Variants in SOX5 observed in about 807,000 individuals in gnomAD.
SOX5 encodes SRY-box transcription factor 5.
In SOX5, 9 loss-of-function variants were observed where a neutral mutation model predicts 92.0. That is an observed-to-expected ratio of 0.10 (90% CI 0.06 to 0.17). The LOEUF is 0.17. Ranked by LOEUF, SOX5 falls within the 10% of genes least tolerant of loss-of-function variation. The pLI, the probability that SOX5 is intolerant of heterozygous loss-of-function variation, is 1.00. For missense variants in SOX5, 642 were observed against 944.5 expected, an observed-to-expected ratio of 0.68 and a Z score of 4.20; for synonymous variants, 344 against 336.3, an observed-to-expected ratio of 1.02 and a Z score of -0.25.
At chr12:23,871,542 T>C (rs1402189690) in intron 2 of SOX5, among the ~76,000 whole-genome samples, 2 of 152,142 alleles carry the variant, frequency 1.3e-5, no homozygotes, top group African/African-American at 2.4e-5. Flanking sequence ...AAGACAACTT[T>C]GTAACACTTT....
At chr12:24,264,841 C>T (rs906681898) in intron 3 of SOX5, among the ~76,000 whole-genome samples, 2 of 152,112 alleles carry the variant, frequency 1.3e-5, no homozygotes, top group African/African-American at 4.8e-5. Flanking sequence ...ATTACAATAA[C>T]GGATGATGTC....
intron 4 of SOX5, among the ~76,000 whole-genome samples, chr12:24,077,302 AC>A (rs1942748775): frequency 6.6e-6 from 1 of 152,136 alleles, no homozygotes; most frequent in South Asian, 2.1e-4. Context: ...TCTGCTTCCA[AC>A]ACATTCAAGG....
At chr12:24,016,460 C>A (rs1953620692) in intron 4 of SOX5, among the ~76,000 whole-genome samples, 1 of 152,070 alleles carries the variant, frequency 6.6e-6, no homozygotes, top group Non-Finnish European at 1.5e-5. Context: ...AACCAATTGG[C>A]CAGGGACAGA....
intron 4 of SOX5, among the ~76,000 whole-genome samples, chr12:24,093,943 T>TTTTG (rs745872228): frequency 9.2e-5 from 14 of 152,160 alleles, no homozygotes; most frequent in African/African-American, 1.2e-4. Context: ...GTGTATCTTT[T>TTTTG]TTTGTTTGTT....
At chr12:24,452,495 G>A (rs1046518469) in intron 1 of SOX5, among the ~76,000 whole-genome samples, 1 of 152,106 alleles carries the variant, frequency 6.6e-6, no homozygotes, top group African/African-American at 2.4e-5. Context: ...AGGCTAGACT[G>A]ATGACCTTGA....
At chr12:23,917,604 A>T (rs1264589371) in intron 1 of SOX5, among the ~76,000 whole-genome samples, 3 of 152,140 alleles carry the variant, frequency 2.0e-5, no homozygotes, top group African/African-American at 7.2e-5. Context: ...AGCAGTCAAA[A>T]TGATGGCATT....
At chr12:23,902,285 T>C (rs905027793) in intron 1 of SOX5, among the ~76,000 whole-genome samples, 4 of 152,186 alleles carry the variant, frequency 2.6e-5, no homozygotes, top group Non-Finnish European at 5.9e-5. Flanking sequence ...TTTCCTTATA[T>C]AGTACATTCT....
At chr12:24,524,894 T>C (rs978864546) in intron 1 of SOX5, among the ~76,000 whole-genome samples, 1 of 152,062 alleles carries the variant, frequency 6.6e-6, no homozygotes, top group African/African-American at 2.4e-5. Context: ...TGGTGGCATG[T>C]TTGAGATTGC....
intron 2 of SOX5, among the ~76,000 whole-genome samples, chr12:24,355,011 A>G (rs985216346): frequency 1.3e-5 from 2 of 152,204 alleles, no homozygotes; most frequent in Non-Finnish European, 2.9e-5. Flanking sequence ...AACTAAGTTT[A>G]AAATTTTAAA....
intron 1 of SOX5, among the ~76,000 whole-genome samples, chr12:24,540,087 T>A (rs1489393486): frequency 6.6e-6 from 1 of 152,094 alleles, no homozygotes. Flanking sequence ...ATACACATAC[T>A]TACAGATCAG....
At chr12:24,460,010 C>T (rs2136019) in intron 1 of SOX5, among the ~76,000 whole-genome samples, 92,246 of 151,960 alleles carry the variant, frequency 0.61, 28,588 homozygotes, top group East Asian at 0.97. Context: ...TTATAGTTCA[C>T]GAAGTGAGCA....
rs61707957 is a variant in SOX5 at position 24,477,466 on chromosome 12, A to G, written c.-251+84863T>C. Among the ~76,000 whole-genome samples, 294 of 152,164 alleles carry G rather than the reference A, an allele frequency of 1.9e-3. 2 individuals carry two copies. Among genetic ancestry groups the G allele is most frequent in the African/African-American group, 6.7e-3 (279 of 41,530 alleles). ...TTTACATTGCTATATGCTATACTAGATTTAGTGAGTTTTATGACTCATATA... is the reference window on the plus strand; with the variant it reads ...TTTACATTGCTATATGCTATACTAGGTTTAGTGAGTTTTATGACTCATATA... On this transcript the variant is annotated intron_variant, in intron 1 of 4. Coordinates refer to the SOX5 transcript ENST00000446891.
intron 3 of SOX5, among the ~76,000 whole-genome samples, chr12:24,220,998 A>T (rs1484706204): frequency 6.6e-6 from 1 of 152,226 alleles, no homozygotes; most frequent in Non-Finnish European, 1.5e-5. Context: ...GCCCATGGTT[A>T]ACTCCACTTA....
intron 4 of SOX5, among the ~76,000 whole-genome samples, chr12:23,971,822 C>G (rs1441107684): frequency 6.6e-6 from 1 of 152,116 alleles, no homozygotes; most frequent in Non-Finnish European, 1.5e-5. Context: ...AGTTTGAAAG[C>G]TGCTGAGTGC....
At chr12:24,024,400 T>A (rs1243526686) in intron 4 of SOX5, among the ~76,000 whole-genome samples, 1 of 152,012 alleles carries the variant, frequency 6.6e-6, no homozygotes, top group African/African-American at 2.4e-5. Flanking sequence ...TCCATCTACA[T>A]TGCACTGTAT....
At chr12:23,990,398 C>A (rs1337602991) in intron 4 of SOX5, among the ~76,000 whole-genome samples, 2 of 152,164 alleles carry the variant, frequency 1.3e-5, no homozygotes, top group Non-Finnish European at 2.9e-5. Context: ...TTCCTCTAGG[C>A]ATGTTTCTCA....
chr12:23,637,969 G>A (rs1566595162), intron 8 of SOX5: 1 of 152,242 alleles, frequency 6.6e-6, no homozygotes, highest in Non-Finnish European at 1.5e-5. Flanking sequence ...GAGGACCTCA[G>A]TAGAAGACTA....
chr12:24,519,008 T>C (rs1950038087), intron 1 of SOX5, among the ~76,000 whole-genome samples: 1 of 152,072 alleles, frequency 6.6e-6, no homozygotes, highest in Non-Finnish European at 1.5e-5. Context: ...CAAGAGAAAA[T>C]ATAAAAACGT....
At chr12:24,130,629 G>T (rs916019416) in intron 4 of SOX5, among the ~76,000 whole-genome samples, 1 of 152,160 alleles carries the variant, frequency 6.6e-6, no homozygotes, top group Non-Finnish European at 1.5e-5. Flanking sequence ...AGAAGACAAA[G>T]AGAAGAGAAA....
Sources: gnomAD v4.1 joint callset for allele counts (sites outside exome capture counted in the v4.1 genomes callset) on GRCh38, gnomAD v4.1.1 for gene constraint, MANE v1.5 for transcripts, NCBI Gene and HGNC (gene_info 2026-07-23, HGNC 2026-07-21) for gene names.